GDA: variants seen among roughly 807,000 people sequenced by gnomAD.
GDA encodes the protein cytoplasmic PSD-95 interactor.
A neutral mutation model predicts 59.6 loss-of-function variants in GDA; 18 were observed. That is an observed-to-expected ratio of 0.30 (90% CI 0.21 to 0.45). The LOEUF is 0.45. GDA is among the 20% of genes least tolerant of loss of function. The pLI is 1.00. For missense variants in GDA, 427 were observed against 552.3 expected, an observed-to-expected ratio of 0.77 and a Z score of 2.27; for synonymous variants, 201 against 201.1, an observed-to-expected ratio of 1.00 and a Z score of 0.00.
downstream of GDA, among the ~76,000 whole-genome samples, chr9:72,258,198 A>T (rs577322891): frequency 1.3e-5 from 2 of 151,842 alleles, no homozygotes; most frequent in South Asian, 4.2e-4. Flanking sequence ...TTGTAGTCTC[A>T]GCTGCTTGGG....
intron 1 of GDA, among the ~76,000 whole-genome samples, chr9:72,128,464 T>C (rs1335134225): frequency 3.9e-5 from 6 of 152,176 alleles, no homozygotes; most frequent in Non-Finnish European, 8.8e-5. Flanking sequence ...ACTACTATCA[T>C]TTTTGAGCAC....
intron 1 of GDA, among the ~76,000 whole-genome samples, chr9:72,128,794 A>T (rs1230120617): frequency 6.6e-6 from 1 of 152,184 alleles, no homozygotes; most frequent in African/African-American, 2.4e-5. Flanking sequence ...TATTTTTAGA[A>T]TGCAATACGT....
intron 1 of GDA, among the ~76,000 whole-genome samples, chr9:72,168,979 CA>C (rs1327461881): frequency 2.0e-5 from 3 of 152,194 alleles, no homozygotes; most frequent in Non-Finnish European, 4.4e-5. Flanking sequence ...ATGAAAGCCT[CA>C]AGATATAGTC....
At chr9:72,150,003 A>C (rs920807611) in intron 1 of GDA, among the ~76,000 whole-genome samples, 5 of 151,948 alleles carry the variant, frequency 3.3e-5, no homozygotes, top group African/African-American at 1.2e-4. Context: ...ATCCTAAGAT[A>C]CCGGCAATAA....
intron 1 of GDA, among the ~76,000 whole-genome samples, chr9:72,172,876 GC>G (rs879783626): frequency 6.6e-6 from 1 of 151,770 alleles, no homozygotes; most frequent in Non-Finnish European, 1.5e-5. Flanking sequence ...TTATTTGAGT[GC>G]CTTTATATGT....
chr9:72,139,032 C>G (rs1245960373), intron 1 of GDA, among the ~76,000 whole-genome samples: 1 of 152,164 alleles, frequency 6.6e-6, no homozygotes, highest in South Asian at 2.1e-4. Flanking sequence ...TGGTCATAGT[C>G]CATCATCCTA....
intron 1 of GDA, among the ~76,000 whole-genome samples, chr9:72,135,353 T>C (rs1406465539): frequency 6.6e-6 from 1 of 152,204 alleles, no homozygotes; most frequent in Non-Finnish European, 1.5e-5. Flanking sequence ...GAATTATATG[T>C]GTACTATTTT....
At chr9:72,230,501 A>AAAT (rs1554680412) in intron 9 of GDA, among the ~76,000 whole-genome samples, 8 of 144,026 alleles carry the variant, frequency 5.6e-5, no homozygotes, top group East Asian at 4.0e-4. Flanking sequence ...AAAAAAAAAA[A>AAAT]ATATATATAT....
chr9:72,194,795 C>A (rs79899658), intron 1 of GDA, among the ~76,000 whole-genome samples: 1,632 of 152,306 alleles, frequency 0.011, 39 homozygotes, highest in African/African-American at 0.038. Flanking sequence ...CTTGTGGAAA[C>A]TCAAGTCCCA....
In GDA at chr9:72,245,847, G is replaced by A. The variant is rs1363376027; in HGVS notation, c.1266+569G>A. ...AACTTTGTTTCTCTTATTATAAAAT[G>A]TTTTTCTATGGATAAAATAAACTAG... is the stretch of plus-strand genomic sequence containing the variant. On this transcript the variant is annotated intron_variant, in intron 12 of 13. Coordinates refer to ENST00000358399, the MANE Select transcript of GDA (RefSeq NM_004293.5). Among the ~76,000 whole-genome samples the A allele has an allele frequency of 2.0e-5, 3 of 152,142 alleles. No homozygotes were observed. In the East Asian group the frequency reaches 5.8e-4, roughly 29 times the overall value.
At chr9:72,147,439 C>T (rs1826688375), upstream of GDA, among the ~76,000 whole-genome samples, 1 of 152,196 alleles carries the variant, frequency 6.6e-6, no homozygotes, top group South Asian at 2.1e-4. Flanking sequence ...ATCTCGACCT[C>T]GTGATCCACC....
intron 1 of GDA, among the ~76,000 whole-genome samples, chr9:72,156,433 A>G (rs1827895199): frequency 6.6e-6 from 1 of 152,176 alleles, no homozygotes; most frequent in Non-Finnish European, 1.5e-5. Context: ...AAGCTCAGCA[A>G]CTCAAAATAT....
intron 1 of GDA, among the ~76,000 whole-genome samples, chr9:72,159,018 G>A (rs1194391898): frequency 2.6e-5 from 4 of 152,138 alleles, no homozygotes; most frequent in Non-Finnish European, 4.4e-5. Flanking sequence ...TCCAAGGTCC[G>A]TGCTCTCCAG....
intron 13 of GDA, among the ~76,000 whole-genome samples, chr9:72,247,655 T>G (rs1433507468): frequency 6.6e-6 from 1 of 152,180 alleles, no homozygotes; most frequent in East Asian, 1.9e-4. Context: ...AGTCATAAAT[T>G]CTAAGCTGAG....
chr9:72,124,066 G>A (rs138246292), intron 1 of GDA, among the ~76,000 whole-genome samples: 145 of 152,150 alleles, frequency 9.5e-4, no homozygotes, highest in Middle Eastern at 3.4e-3. Context: ...GGAAAACAAG[G>A]ACCAAGATCT....
At chr9:72,239,960 G>A (rs1437952542) in intron 10 of GDA, among the ~76,000 whole-genome samples, 1 of 152,118 alleles carries the variant, frequency 6.6e-6, no homozygotes, top group African/African-American at 2.4e-5. Flanking sequence ...AATTACATAT[G>A]TCTACCTAGA....
chr9:72,188,780 T>C (rs1432887883), intron 1 of GDA, among the ~76,000 whole-genome samples: 1 of 152,110 alleles, frequency 6.6e-6, no homozygotes. Context: ...GTGGAGCTAC[T>C]AGCATGCAAC....
At chr9:72,130,273 A>G (rs1369434569) in intron 1 of GDA, among the ~76,000 whole-genome samples, 2 of 152,204 alleles carry the variant, frequency 1.3e-5, no homozygotes, top group East Asian at 3.8e-4. Context: ...TGTTCCAAAT[A>G]TCTTTCAATA....
chr9:72,139,523 G>A (rs1027555951), intron 1 of GDA, among the ~76,000 whole-genome samples: 6 of 152,110 alleles, frequency 3.9e-5, no homozygotes, highest in Non-Finnish European at 8.8e-5. Context: ...AATAAAAATG[G>A]GAAGAGTCAT....
Sources: allele counts gnomAD v4.1 joint callset (sites outside exome capture counted in the v4.1 genomes callset), GRCh38; gene constraint gnomAD v4.1.1; transcripts MANE v1.5; gene names NCBI Gene and HGNC (gene_info 2026-07-23, HGNC 2026-07-21).